NALF1: variants seen among roughly 807,000 people sequenced by gnomAD.
The protein encoded by NALF1 is NALCN channel auxiliary factor 1.
A neutral mutation model predicts 48.4 loss-of-function variants in NALF1; 3 were observed. The ratio of observed to expected loss-of-function variants is 0.06; its 90% confidence interval spans 0.03 to 0.16. The LOEUF is 0.16. NALF1 is among the 10% of genes least tolerant of loss of function. NALF1 has a pLI of 1.00. For missense variants in NALF1, 526 were observed against 571.5 expected, an observed-to-expected ratio of 0.92 and a Z score of 0.81; for synonymous variants, 262 against 245.7, an observed-to-expected ratio of 1.07 and a Z score of -0.62.
chr13:107,280,743 C>T lies in NALF1; in HGVS notation c.916-69988G>A, dbSNP rs192807677. Among the ~76,000 whole-genome samples the T allele has an allele frequency of 3.4e-3, 518 of 152,222 alleles. 4 individuals carry two copies. The highest frequency in any genetic ancestry group is 0.011 in the African/African-American group (474 of 41,532). ...TTGTGACCAGTCAGCTCTAATTAAA[C>T]GGCAAATAGTCTCGAAAAAAAGTAG... On this transcript the variant is annotated intron_variant, in intron 1 of 2. Coordinates refer to ENST00000375915, the MANE Select transcript of NALF1 (RefSeq NM_001080396.3).
intron 1 of NALF1, among the ~76,000 whole-genome samples, chr13:107,680,739 A>C (rs1190183778): frequency 5.4e-5 from 2 of 37,180 alleles, no homozygotes. Flanking sequence ...ATGAGTGTGA[A>C]TGTGCATGAG....
chr13:107,587,976 C>T (rs543045303), intron 1 of NALF1, among the ~76,000 whole-genome samples: 7 of 152,178 alleles, frequency 4.6e-5, no homozygotes, highest in African/African-American at 9.6e-5. Context: ...GAAGAATGAA[C>T]GACTGGCCAG....
intron 1 of NALF1, among the ~76,000 whole-genome samples, chr13:107,418,476 G>C (rs906384703): frequency 8.5e-5 from 13 of 152,126 alleles, no homozygotes; most frequent in African/African-American, 3.1e-4. Flanking sequence ...AGATAATAAA[G>C]ATTTGTTTCT....
At chr13:107,179,773 G>C (rs528266264) in intron 2 of NALF1, among the ~76,000 whole-genome samples, 1 of 151,422 alleles carries the variant, frequency 6.6e-6, no homozygotes, top group African/African-American at 2.4e-5. Context: ...GGGCTCAAGG[G>C]GAGGATTCTT....
At chr13:107,505,179 A>C (rs1315087407) in intron 1 of NALF1, among the ~76,000 whole-genome samples, 2 of 152,164 alleles carry the variant, frequency 1.3e-5, no homozygotes, top group East Asian at 1.9e-4. Context: ...CACCATGGGA[A>C]TATGTGGAAG....
intron 1 of NALF1, among the ~76,000 whole-genome samples, chr13:107,299,472 A>AATAATAATAATAAT (rs1344151094): frequency 5.3e-4 from 16 of 30,060 alleles, no homozygotes; most frequent in South Asian, 1.9e-3. Flanking sequence ...TAATAATAAT[A>AATAATAATAATAAT]AATAAATAAA....
intron 2 of NALF1, among the ~76,000 whole-genome samples, chr13:107,198,796 T>C (rs1202318858): frequency 1.3e-5 from 2 of 152,186 alleles, no homozygotes; most frequent in East Asian, 1.9e-4. Context: ...AGCTCTGGTA[T>C]GGGCCTTTCT....
At chr13:107,370,000 G>A (rs574654378) in intron 1 of NALF1, among the ~76,000 whole-genome samples, 2 of 152,252 alleles carry the variant, frequency 1.3e-5, no homozygotes, top group South Asian at 2.1e-4. Flanking sequence ...AGATCACCCT[G>A]CAGGAGAAAA....
intron 1 of NALF1, among the ~76,000 whole-genome samples, chr13:107,288,464 C>A (rs1182722935): frequency 2.0e-5 from 3 of 151,746 alleles, no homozygotes; most frequent in Non-Finnish European, 4.4e-5. Context: ...AGGTGATTCA[C>A]CCGCCTCAAC....
Position 107,767,868 on chromosome 13 carries a change from T to C in NALF1, c.915+97814A>G, listed in dbSNP as rs374723576. Among the ~76,000 whole-genome samples, 20 of 152,290 alleles carry C rather than the reference T, an allele frequency of 1.3e-4. No individual in the cohort carries two copies. The South Asian group carries it at 4.1e-3, about 32-fold the overall frequency. ...AATCTTTAAAGAGCGTTTCTCTCAT[T>C]TTCATGTTTTATATGAGAAGAGACA... On this transcript the variant is annotated intron_variant, in intron 1 of 2. Coordinates refer to ENST00000375915, the MANE Select transcript of NALF1 (RefSeq NM_001080396.3).
intron 1 of NALF1, among the ~76,000 whole-genome samples, chr13:107,417,142 G>A (rs912440652): frequency 6.6e-6 from 1 of 152,208 alleles, no homozygotes; most frequent in Non-Finnish European, 1.5e-5. Flanking sequence ...AACTCTTTAA[G>A]TATTTTTCTT....
chr13:107,557,551 C>T (rs553683646), intron 1 of NALF1, among the ~76,000 whole-genome samples: 78 of 152,274 alleles, frequency 5.1e-4, no homozygotes, highest in Admixed American at 8.5e-4. Flanking sequence ...TGTGCTGGCA[C>T]CAGACCACTG....
At chr13:107,660,461 ACACACACACACACACACAC>A (rs1566434022) in intron 1 of NALF1, among the ~76,000 whole-genome samples, 6,455 of 133,262 alleles carry the variant, frequency 0.048, 533 homozygotes, top group African/African-American at 0.17. Flanking sequence ...ACACACACAC[ACACACACACACACACACAC>A]ACACAACAAA....
At position 107,175,263 on chromosome 13, in the gene NALF1, A is replaced by G. The variant is rs180746919; in HGVS notation, c.1088-4477T>C. Among the ~76,000 whole-genome samples, 68 of 152,036 alleles carry G rather than the reference A, an allele frequency of 4.5e-4. No homozygotes were observed. The Middle Eastern group carries it at 0.014, about 30-fold the overall frequency. On this transcript the variant is annotated intron_variant, in intron 2 of 2. Coordinates refer to ENST00000375915, the MANE Select transcript of NALF1 (RefSeq NM_001080396.3). The stretch of plus-strand genomic sequence containing the variant: ...ATATGCCCCCAGTCTCTGGGATGGG[A>G]GTAGGGAATGGGATTTGGGGACCTG...
intron 1 of NALF1, among the ~76,000 whole-genome samples, chr13:107,752,498 G>T (rs750483670): frequency 7.9e-5 from 12 of 152,082 alleles, no homozygotes; most frequent in Non-Finnish European, 1.6e-4. Context: ...TATGGTGTGG[G>T]TGTGTGTGTA....
chr13:107,400,060 T>G (rs1394813885), intron 1 of NALF1, among the ~76,000 whole-genome samples: 1 of 152,154 alleles, frequency 6.6e-6, no homozygotes, highest in Admixed American at 6.5e-5. Context: ...TGACATTAAC[T>G]TAATACTATG....
In NALF1 at chr13:107,362,161, T is replaced by G. The variant is rs1018552343; in HGVS notation, c.916-151406A>C. On this transcript the variant is annotated intron_variant, in intron 1 of 2. Coordinates refer to ENST00000375915, the MANE Select transcript of NALF1 (RefSeq NM_001080396.3). The surrounding 1 kb of genome is among the most constrained non-coding windows in gnomAD (Gnocchi z 4.6). ...GTTGTTACTCGAAAATAATCTACCCTTATTGACTGATTCTCCAAATGACAA... is the reference window on the plus strand; with the variant it reads ...GTTGTTACTCGAAAATAATCTACCCGTATTGACTGATTCTCCAAATGACAA... Among the ~76,000 whole-genome samples, 3 of 152,160 alleles carry G rather than the reference T, an allele frequency of 2.0e-5. No homozygotes were observed. Among genetic ancestry groups the G allele is most frequent in the African/African-American group, 7.2e-5 (3 of 41,438 alleles).
intron 1 of NALF1, among the ~76,000 whole-genome samples, chr13:107,571,013 C>T (rs1877972496): frequency 6.6e-6 from 1 of 152,008 alleles, no homozygotes. Context: ...AAAATTAGAG[C>T]TGAAATAGAT....
intron 1 of NALF1, among the ~76,000 whole-genome samples, chr13:107,828,189 T>C (rs769074195): frequency 3.0e-4 from 46 of 152,120 alleles, no homozygotes; most frequent in Non-Finnish European, 5.7e-4. Context: ...TCTTTCTTTT[T>C]GAAAAAAAAT....
Sources: allele counts gnomAD v4.1 joint callset (sites outside exome capture counted in the v4.1 genomes callset), GRCh38; gene constraint gnomAD v4.1.1; non-coding constraint Gnocchi (gnomAD v3.1); transcripts MANE v1.5; gene names NCBI Gene and HGNC (gene_info 2026-07-23, HGNC 2026-07-21).